Variants in TMEM102 observed in about 807,000 individuals in gnomAD.
The protein encoded by TMEM102 is DANGER family member 2B.
In TMEM102, 28 loss-of-function variants were observed where a neutral mutation model predicts 26.8. The ratio of observed to expected loss-of-function variants is 1.05; its 90% CI spans 0.77 to 1.43. The LOEUF (loss-of-function observed/expected upper bound fraction) is 1.43. Among genes scored for constraint, TMEM102 ranks in the 40% most tolerant of loss-of-function variants. The pLI is 0.00. For synonymous variants in TMEM102, 306 were observed against 332.1 expected (o/e 0.92, Z 0.86); for missense variants, 677 against 705.6 (o/e 0.96, Z 0.46).
At position 7,436,925 on chromosome 17, in the gene TMEM102, T is replaced by C. The variant is rs770646047; in HGVS notation, c.946T>C (p.Phe316Leu). Residue 316 changes from phenylalanine (F) to leucine (L), a missense_variant, in exon 3 of 3, where the codon TTC becomes CTC. Coordinates refer to ENST00000323206, the MANE Select transcript of TMEM102 (RefSeq NM_178518.3). ...TGAGCCCCCTCGCCGCCTCCTGCTCTTCGACCTGATCCCAGTGGTGTCCGT... is the reference window on the plus strand; with the variant it reads ...TGAGCCCCCTCGCCGCCTCCTGCTCCTCGACCTGATCCCAGTGGTGTCCGT... ...TPEPPRRLLL[F>L]DLIPVVSVAG... 23 of 1,606,622 alleles carry C rather than the reference T, an allele frequency of 1.4e-5. No homozygotes were observed. Among genetic ancestry groups the C allele is most frequent in the Non-Finnish European group, 1.9e-5 (23 of 1,179,634 alleles).
Position 7,436,877 on chromosome 17 carries a change from A to T in TMEM102, c.898A>T (p.Thr300Ser). ...GCACGCAGCTCGCCACGCGGGTTTC[A>T]CCACCGTCCTCCTGGCTACCCCTGA... Reference protein sequence around the residue: ...LVHAARHAGFTTVLLATPEPP... With the variant: ...LVHAARHAGFSTVLLATPEPP... The change falls in exon 3 of 3, where the codon ACC (threonine) becomes TCC (serine). Residue 300 changes from threonine to serine, a missense_variant. Thr to Ser is a moderately conservative substitution (Grantham distance 58). Coordinates refer to ENST00000323206, the MANE Select transcript of TMEM102 (RefSeq NM_178518.3). 1.2e-6 allele frequency: 2 copies of T among 1,611,406 alleles called. No homozygotes were observed. Among genetic ancestry groups the T allele is most frequent in the Non-Finnish European group, 1.7e-6 (2 of 1,179,890 alleles).
intron 1 of TMEM102, 26 bp downstream of exon 1, chr17:7,435,722 T>A: frequency 1.4e-6 from 1 of 693,392 alleles, no homozygotes; most frequent in Admixed American, 2.5e-5. Context: ...TTTTGAGGAC[T>A]AAATTTAGAA....
chr17:7,436,831 C>A lies in TMEM102; in HGVS notation c.852C>A (p.Val284=). The change falls in exon 3 of 3, where the codon GTC becomes GTA. Residue 284 remains valine (V), a synonymous_variant. Coordinates refer to ENST00000323206, the MANE Select transcript of TMEM102 (RefSeq NM_178518.3). ...LAAVAESLIP[V]PGAPRLVHAA... is the part of the protein sequence containing the mutation. ...CGGTCGCCGAGTCTCTGATCCCTGT[C>A]CCGGGTGCTCCGCGTCTGGTGCACG... 6.2e-7 allele frequency: 1 copy of A among 1,613,220 alleles called. No homozygotes were observed. The highest frequency in any genetic ancestry group is 8.5e-7 in the Non-Finnish European group (1 of 1,180,020).
In TMEM102 at chr17:7,436,720, A is replaced by G. The variant is rs997341556; in HGVS notation, c.741A>G (p.Pro247=). Residue 247 remains proline (P), a synonymous_variant, in exon 3 of 3, where the codon CCA becomes CCG. Transcript: ENST00000323206. The stretch of plus-strand genomic sequence containing the variant: ...TCACCAAGGCAGCCGTCGAAAGCCC[A>G]GTCCCAAAGCCGTCGGAGGCTCGGG... ...SDVTKAAVES[P]VPKPSEAREA... is the part of the protein sequence containing the mutation. 1.7e-5 allele frequency: 28 copies of G among 1,613,758 alleles called. No individual in the cohort carries two copies. Among genetic ancestry groups the G allele is most frequent in the Non-Finnish European group, 2.2e-5 (26 of 1,180,038 alleles).
In TMEM102 at chr17:7,435,849, G is replaced by A. The variant is rs1232537153; in HGVS notation, c.-19-4G>A. On this transcript the variant is annotated splice_polypyrimidine_tract_variant and splice_region_variant and intron_variant, in intron 1 of 2. Transcript: ENST00000323206. ...AAGCCACCTCCCTTCCGTGTTTTCC[G>A]CAGCCCAAAGCGATAGAACCGCATG... 6.4e-7 allele frequency: 1 copy of A among 1,551,232 alleles called. No individual in the cohort carries two copies. The highest frequency in any genetic ancestry group is 2.3e-5 in the East Asian group (1 of 44,130).
Position 7,437,045 on chromosome 17 carries a change from G to A in TMEM102, c.1066G>A (p.Glu356Lys), listed in dbSNP as rs550445906. 8.3e-6 allele frequency: 13 copies of A among 1,574,352 alleles called. No individual in the cohort carries two copies. The highest frequency in any genetic ancestry group is 6.8e-5 in the South Asian group (6 of 88,258). The change falls in exon 3 of 3, where the codon GAG becomes AAG. Residue 356 changes from glutamate to lysine, a missense_variant. By Grantham distance (56) the Glu-to-Lys change is moderately conservative. Transcript: ENST00000323206. This position sits in a 1 kb window ranked among gnomAD's most constrained non-coding sequence, Gnocchi z 4.2. ...SFYLVPGGGTERPCASAWQLC... is the reference protein window; with the variant it reads ...SFYLVPGGGTKRPCASAWQLC... ...CTACCTGGTGCCCGGTGGCGGCACC[G>A]AGCGGCCGTGCGCCTCCGCCTGGCA...
At position 7,436,840 on chromosome 17, in the gene TMEM102, T is replaced by A; in HGVS notation, c.861T>A (p.Ala287=). The part of the protein sequence containing the change: ...VAESLIPVPG[A]PRLVHAARHA... Reference sequence around the variant, plus strand: ...AGTCTCTGATCCCTGTCCCGGGTGCTCCGCGTCTGGTGCACGCAGCTCGCC... The same window carrying A: ...AGTCTCTGATCCCTGTCCCGGGTGCACCGCGTCTGGTGCACGCAGCTCGCC... The change falls in exon 3 of 3, where the codon GCT becomes GCA. Residue 287 remains alanine, a synonymous_variant. Coordinates refer to ENST00000323206, the MANE Select transcript of TMEM102 (RefSeq NM_178518.3). 1 of 1,613,012 alleles carries A rather than the reference T, an allele frequency of 6.2e-7. No individual in the cohort carries two copies. Among genetic ancestry groups the A allele is most frequent in the Non-Finnish European group, 8.5e-7 (1 of 1,179,996 alleles).
Position 7,436,617 on chromosome 17 carries a change from T to C in TMEM102, c.638T>C (p.Val213Ala). Residue 213 changes from valine (V) to alanine (A), a missense_variant, in exon 3 of 3, where the codon GTT (valine) becomes GCT (alanine). Physicochemically the swap from Val to Ala is moderately conservative, Grantham distance 64. Transcript: ENST00000323206. ...PVSLEKSPSD[V>A]SASESPQHDV... ...TCTTTGGAAAAATCGCCTAGTGACG[T>C]TTCAGCGTCCGAGTCGCCTCAGCAT... 7 of 1,613,968 alleles carry C rather than the reference T, an allele frequency of 4.3e-6. No homozygotes were observed. The highest frequency in any genetic ancestry group is 5.9e-6 in the Non-Finnish European group (7 of 1,180,022).
rs767944678 is a variant in TMEM102, at chr17:7,437,181, G to A, written c.1202G>A (p.Arg401Gln). Reference sequence around the variant, plus strand: ...CTGCGCCCGCTGGTGGCCGGGACCCGGGCGGCGGCGCCCTACCTCCTGCGG... The same window carrying A: ...CTGCGCCCGCTGGTGGCCGGGACCCAGGCGGCGGCGCCCTACCTCCTGCGG... ...ALLRPLVAGTRAAAPYLLRTL... is the reference protein window; with the variant it reads ...ALLRPLVAGTQAAAPYLLRTL... The change falls in exon 3 of 3, where the codon CGG becomes CAG. Residue 401 changes from arginine (R) to glutamine (Q), a missense_variant. By Grantham distance (43) the Arg-to-Gln change is conservative. Coordinates refer to ENST00000323206, the MANE Select transcript of TMEM102 (RefSeq NM_178518.3). The surrounding 1 kb of genome is among the most constrained non-coding windows in gnomAD (Gnocchi z 4.2). The A allele has an allele frequency of 4.1e-5, 61 of 1,492,468 alleles. No individual in the cohort carries two copies. The highest frequency in any genetic ancestry group is 5.9e-5 in the African/African-American group (4 of 67,972). 92.5% of individuals were successfully genotyped at this position (1,492,468 alleles called of 1,614,324 possible).
In TMEM102 at chr17:7,436,878, C is replaced by T. The variant is rs780548070; in HGVS notation, c.899C>T (p.Thr300Ile). The change falls in exon 3 of 3, where the codon ACC (threonine) becomes ATC (isoleucine). Residue 300 changes from threonine (T) to isoleucine (I), a missense_variant. Coordinates refer to ENST00000323206, the MANE Select transcript of TMEM102 (RefSeq NM_178518.3). ...CACGCAGCTCGCCACGCGGGTTTCA[C>T]CACCGTCCTCCTGGCTACCCCTGAG... ...LVHAARHAGF[T>I]TVLLATPEPP... The T allele has an allele frequency of 1.9e-6, 3 of 1,611,456 alleles. No individual in the cohort carries two copies. The highest frequency in any genetic ancestry group is 1.1e-5 in the South Asian group (1 of 91,062).
Position 7,437,525 on chromosome 17 carries a change from T to C in TMEM102, c.*19T>C. ...CCATTAAAGACGCTGTTCCTACCAG[T>C]GGAAAGTGCCTCTGTGGGCGAGCGG... On this transcript the variant is annotated 3_prime_UTR_variant, in exon 3 of 3. Transcript: ENST00000323206. This position sits in a 1 kb window ranked among gnomAD's most constrained non-coding sequence, Gnocchi z 4.2. 1 of 1,335,992 alleles carries C rather than the reference T, an allele frequency of 7.5e-7. No individual in the cohort carries two copies. The highest frequency in any genetic ancestry group is 9.6e-7 in the Non-Finnish European group (1 of 1,041,258). The allele number at this position is 1,335,992 out of a possible 1,614,324, so 82.8% of individuals were successfully genotyped here.
Position 7,437,143 on chromosome 17 carries a change from G to A in TMEM102, c.1164G>A (p.Ala388=). 8 of 1,458,040 alleles carry A rather than the reference G, an allele frequency of 5.5e-6. No individual in the cohort carries two copies. The highest frequency in any genetic ancestry group is 6.3e-6 in the Non-Finnish European group (7 of 1,119,262). 90.3% of individuals were successfully genotyped at this position (1,458,040 alleles called of 1,614,324 possible). ...IPAPLLQAHA[A]AQALLRPLVA... The stretch of plus-strand genomic sequence containing the variant: ...CGCCGCTGCTGCAGGCGCACGCGGC[G>A]GCCCAGGCGCTACTGCGCCCGCTGG... Residue 388 remains alanine, a synonymous_variant, in exon 3 of 3, where the codon GCG becomes GCA. Transcript: ENST00000323206. This position sits in a 1 kb window ranked among gnomAD's most constrained non-coding sequence, Gnocchi z 4.2.
rs1908109062 is a variant in TMEM102 at position 7,437,558 on chromosome 17, G to C, written c.*52G>C. ...GCCTCTGTGGGCGAGCGGGACGTGGGGGGCCCTGCTCGCCCCTCGCCAGGG... is the reference window on the plus strand; with the variant it reads ...GCCTCTGTGGGCGAGCGGGACGTGGCGGGCCCTGCTCGCCCCTCGCCAGGG... On this transcript the variant is annotated 3_prime_UTR_variant, in exon 3 of 3. Transcript: ENST00000323206. The surrounding 1 kb of genome is among the most constrained non-coding windows in gnomAD (Gnocchi z 4.2). The C allele has an allele frequency of 3.2e-6, 4 of 1,233,452 alleles. No homozygotes were observed. In the South Asian group the frequency reaches 5.8e-5, roughly 18 times the overall value. 76.4% of individuals were successfully genotyped at this position (1,233,452 alleles called of 1,614,324 possible).
chr17:7,436,763 T>C lies in TMEM102; in HGVS notation c.784T>C (p.Cys262Arg), dbSNP rs779491141. 1 of 1,613,846 alleles carries C rather than the reference T, an allele frequency of 6.2e-7. No individual in the cohort carries two copies. The highest frequency in any genetic ancestry group is 1.1e-5 in the South Asian group (1 of 91,092). Residue 262 changes from cysteine to arginine, a missense_variant, in exon 3 of 3, where the codon TGT (cysteine) becomes CGT (arginine). Physicochemically the swap from Cys to Arg is radical, Grantham distance 180. Transcript: ENST00000323206. ...GGCTCGGGAAGCGTGGCCCACATTATGTTCCGCCCAGGTGGCTGCCTGGTT... is the reference window on the plus strand; with the variant it reads ...GGCTCGGGAAGCGTGGCCCACATTACGTTCCGCCCAGGTGGCTGCCTGGTT... ...SEAREAWPTL[C>R]SAQVAAWFFA... is the part of the protein sequence containing the mutation.
In TMEM102 at chr17:7,437,309, G is replaced by A; in HGVS notation, c.1330G>A (p.Val444Met). Reference protein sequence around the residue: ...CLGLLDELGRVLEAGTLPHYF... With the variant: ...CLGLLDELGRMLEAGTLPHYF... The stretch of plus-strand genomic sequence containing the variant: ...CGGGCTGCTAGACGAGCTCGGCCGA[G>A]TGCTCGAGGCCGGGACGTTGCCTCA... The change falls in exon 3 of 3, where the codon GTG becomes ATG. Residue 444 changes from valine (V) to methionine (M), a missense_variant. Physicochemically the swap from Val to Met is conservative, Grantham distance 21. Transcript: ENST00000323206. The surrounding 1 kb of genome is among the most constrained non-coding windows in gnomAD (Gnocchi z 4.2). 14 of 1,555,090 alleles carry A rather than the reference G, an allele frequency of 9.0e-6. No individual in the cohort carries two copies. The highest frequency in any genetic ancestry group is 1.1e-5 in the Non-Finnish European group (13 of 1,154,788).
In TMEM102 at chr17:7,437,332, T is replaced by C. The variant is rs1056450; in HGVS notation, c.1353T>C (p.Pro451=). 1.3e-5 allele frequency: 20 copies of C among 1,568,786 alleles called. No homozygotes were observed. Among genetic ancestry groups the C allele is most frequent in the Admixed American group, 3.7e-5 (2 of 54,022 alleles). Residue 451 remains proline (P), a synonymous_variant, in exon 3 of 3, where the codon CCT becomes CCC. Coordinates refer to ENST00000323206, the MANE Select transcript of TMEM102 (RefSeq NM_178518.3). The surrounding 1 kb of genome is among the most constrained non-coding windows in gnomAD (Gnocchi z 4.2). ...LGRVLEAGTL[P]HYFLNGRQLR... ...GAGTGCTCGAGGCCGGGACGTTGCC[T>C]CACTATTTTCTGAACGGCCGACAGC...
chr17:7,437,528 A>G lies in TMEM102; in HGVS notation c.*22A>G. 7.5e-7 allele frequency: 1 copy of G among 1,334,780 alleles called. No individual in the cohort carries two copies. The highest frequency in any genetic ancestry group is 1.5e-5 in the African/African-American group (1 of 64,888). The allele number at this position is 1,334,780 out of a possible 1,614,324, so 82.7% of individuals were successfully genotyped here. A position where few individuals can be genotyped will look rare whatever the true frequency, so the allele number is the denominator to read the frequency against. The stretch of plus-strand genomic sequence containing the variant: ...TTAAAGACGCTGTTCCTACCAGTGG[A>G]AAGTGCCTCTGTGGGCGAGCGGGAC... On this transcript the variant is annotated 3_prime_UTR_variant, in exon 3 of 3. Coordinates refer to ENST00000323206, the MANE Select transcript of TMEM102 (RefSeq NM_178518.3). This position sits in a 1 kb window ranked among gnomAD's most constrained non-coding sequence, Gnocchi z 4.2.
At position 7,436,755 on chromosome 17, in the gene TMEM102, C is replaced by T; in HGVS notation, c.776C>T (p.Pro259Leu). The stretch of plus-strand genomic sequence containing the variant: ...CCGTCGGAGGCTCGGGAAGCGTGGC[C>T]CACATTATGTTCCGCCCAGGTGGCT... ...PKPSEAREAW[P>L]TLCSAQVAAW... The change falls in exon 3 of 3, where the codon CCC (proline) becomes CTC (leucine). Residue 259 changes from proline (P) to leucine (L), a missense_variant. Pro to Leu is a moderately conservative substitution (Grantham distance 98). Coordinates refer to ENST00000323206, the MANE Select transcript of TMEM102 (RefSeq NM_178518.3). 2 of 1,613,850 alleles carry T rather than the reference C, an allele frequency of 1.2e-6. No homozygotes were observed. Among genetic ancestry groups the T allele is most frequent in the Non-Finnish European group, 1.7e-6 (2 of 1,180,048 alleles).
At position 7,437,516 on chromosome 17, in the gene TMEM102, TC is replaced by T; in HGVS notation, c.*12del. ...GGGCGGGGCCCATTAAAGACGCTGT[TC>T]CTACCAGTGGAAAGTGCCTCTGTGG... On this transcript the variant is annotated 3_prime_UTR_variant, in exon 3 of 3. Coordinates refer to ENST00000323206, the MANE Select transcript of TMEM102 (RefSeq NM_178518.3). This position sits in a 1 kb window ranked among gnomAD's most constrained non-coding sequence, Gnocchi z 4.2. 7.4e-7 allele frequency: 1 copy of T among 1,356,612 alleles called. No homozygotes were observed. Among genetic ancestry groups the T allele is most frequent in the Non-Finnish European group, 9.5e-7 (1 of 1,055,662 alleles). The allele number at this position is 1,356,612 out of a possible 1,614,324, so 84.0% of individuals were successfully genotyped here. A position where few individuals can be genotyped will look rare whatever the true frequency, so the allele number is the denominator to read the frequency against.
Sources: allele counts gnomAD v4.1 joint callset, GRCh38; gene constraint gnomAD v4.1.1; non-coding constraint Gnocchi (gnomAD v3.1); transcripts MANE v1.5; gene names NCBI Gene and HGNC (gene_info 2026-07-23, HGNC 2026-07-21).